Variants in LIMS1 observed in about 807,000 individuals in gnomAD.
LIMS1 encodes the protein LIM zinc finger domain containing 1, also known as LIM and senescent cell antigen-like-containing domain protein 1.
A neutral mutation model predicts 44.1 loss-of-function variants in LIMS1; 18 were observed. That is an observed-to-expected ratio of 0.41 (90% confidence interval 0.28 to 0.61). The LOEUF is 0.61. LIMS1 is among the 20% of genes least tolerant of loss of function. The pLI is 0.32. For missense variants in LIMS1, 201 were observed against 422.0 expected, an observed-to-expected ratio of 0.48 and a Z score of 4.59; for synonymous variants, 93 against 149.1, an observed-to-expected ratio of 0.62 and a Z score of 2.74.
chr2:108,565,027 C>T (rs1321748041), intron 1 of LIMS1, among the ~76,000 whole-genome samples: 1 of 124,766 alleles, frequency 8.0e-6, no homozygotes, highest in Non-Finnish European at 1.8e-5. Context: ...TTGTGCTGGA[C>T]AAAATCTCTG....
At chr2:108,597,271 A>G (rs1424182571) in intron 1 of LIMS1, among the ~76,000 whole-genome samples, 1 of 152,098 alleles carries the variant, frequency 6.6e-6, no homozygotes, top group Admixed American at 6.6e-5. Context: ...ACACTTAACG[A>G]CATTCATAGA....
chr2:108,583,207 ATT>A (rs59274385), intron 1 of LIMS1, among the ~76,000 whole-genome samples: 4,465 of 139,644 alleles, frequency 0.032, 142 homozygotes, highest in South Asian at 0.15. Flanking sequence ...TAATGTTTGT[ATT>A]TTTTTTTTTT....
chr2:108,648,391 A>G (rs1478486302), intron 1 of LIMS1, among the ~76,000 whole-genome samples: 1 of 152,228 alleles, frequency 6.6e-6, no homozygotes, highest in Non-Finnish European at 1.5e-5. Context: ...GCCCAAAGTA[A>G]TTTATAGATT....
At chr2:108,624,223 A>G (rs1688430056) in intron 1 of LIMS1, among the ~76,000 whole-genome samples, 1 of 152,222 alleles carries the variant, frequency 6.6e-6, no homozygotes, top group Admixed American at 6.5e-5. Context: ...AATAACATCT[A>G]AGATATACCC....
intron 1 of LIMS1, among the ~76,000 whole-genome samples, chr2:108,563,727 A>G (rs1685199876): frequency 6.6e-6 from 1 of 152,182 alleles, no homozygotes; most frequent in African/African-American, 2.4e-5. Flanking sequence ...TAAACTTAGT[A>G]AAGCAATGGC....
At chr2:108,547,101 G>A (rs866328990) in intron 1 of LIMS1, among the ~76,000 whole-genome samples, 1 of 152,202 alleles carries the variant, frequency 6.6e-6, no homozygotes, top group East Asian at 1.9e-4. Context: ...TTTACCTTGC[G>A]CTTTGGATTG....
chr2:108,673,094 T>G, intron 5 of LIMS1, 65 bp downstream of exon 5: 1 of 1,316,110 alleles, frequency 7.6e-7, no homozygotes, highest in South Asian at 1.4e-5. Context: ...TTATCTATAT[T>G]TCTGTTACTC....
chr2:108,598,732 G>A (rs1056641798), intron 1 of LIMS1, among the ~76,000 whole-genome samples: 3 of 152,186 alleles, frequency 2.0e-5, no homozygotes, highest in African/African-American at 4.8e-5. Context: ...CATTGTAAAC[G>A]TAGCCCTGGT....
chr2:108,642,327 C>T (rs1258921064), intron 1 of LIMS1, among the ~76,000 whole-genome samples: 4 of 144,670 alleles, frequency 2.8e-5, no homozygotes, highest in African/African-American at 1.0e-4. Flanking sequence ...TAATTTTAAG[C>T]TACTAGTGTT....
chr2:108,555,064 G>T (rs1216635981), intron 1 of LIMS1, among the ~76,000 whole-genome samples: 32 of 152,136 alleles, frequency 2.1e-4, no homozygotes, highest in Admixed American at 1.6e-3. Flanking sequence ...ATTTTCTTCG[G>T]TTACTTCCCC....
intron 2 of LIMS1, among the ~76,000 whole-genome samples, chr2:108,665,140 A>C (rs1374354161): frequency 6.6e-6 from 1 of 152,188 alleles, no homozygotes. Flanking sequence ...ACAGATATGC[A>C]CGCCCCTTAA....
At chr2:108,554,933 G>T (rs984779301) in intron 1 of LIMS1, among the ~76,000 whole-genome samples, 1 of 152,202 alleles carries the variant, frequency 6.6e-6, no homozygotes, top group Non-Finnish European at 1.5e-5. Flanking sequence ...CCGGATCTGT[G>T]TTGTAGTGAG....
chr2:108,573,325 T>C (rs1356979443), intron 1 of LIMS1, among the ~76,000 whole-genome samples: 4 of 151,336 alleles, frequency 2.6e-5, no homozygotes, highest in East Asian at 3.9e-4. Context: ...TTTTTTCTAC[T>C]GGGTACAGTG....
At chr2:108,634,834 A>C (rs1279779257) in intron 1 of LIMS1, among the ~76,000 whole-genome samples, 2 of 152,254 alleles carry the variant, frequency 1.3e-5, no homozygotes, top group African/African-American at 4.8e-5. Flanking sequence ...GCGACTGCCC[A>C]AGGAGCTGCT....
intron 8 of LIMS1, 75 bp downstream of exon 8, chr2:108,678,102 G>A (rs905997290): frequency 3.8e-5 from 61 of 1,604,768 alleles, no homozygotes; most frequent in Non-Finnish European, 5.1e-5. Flanking sequence ...AATTCAGGTT[G>A]GTGATTGTAT....
rs539559715 is a variant in LIMS1 at position 108,545,303 on chromosome 2, G to A, written c.32+10709G>A. ...GGCAGGAGTGCAGTGGCTTGATGTC[G>A]GCTCACTGCAACCTCCGCCTCCCGG... On this transcript the variant is annotated intron_variant, in intron 1 of 9. Transcript: ENST00000544547. Among the ~76,000 whole-genome samples the A allele has an allele frequency of 1.5e-4, 23 of 152,142 alleles. No homozygotes were observed. The South Asian group carries it at 1.9e-3, about 12-fold the overall frequency.
intron 1 of LIMS1, among the ~76,000 whole-genome samples, chr2:108,610,148 A>ATG (rs60571292): frequency 0.048 from 6,942 of 143,212 alleles, 172 homozygotes; most frequent in African/African-American, 0.063. Flanking sequence ...GTTACAAAAA[A>ATG]TGTGTGTGTG....
At chr2:108,550,003 T>A (rs1320304101) in intron 1 of LIMS1, among the ~76,000 whole-genome samples, 2 of 152,150 alleles carry the variant, frequency 1.3e-5, no homozygotes, top group Non-Finnish European at 2.9e-5. Context: ...AATAAAAGGA[T>A]CACTTAAAAT....
chr2:108,615,960 A>T (rs1687904397), intron 1 of LIMS1, among the ~76,000 whole-genome samples: 1 of 152,174 alleles, frequency 6.6e-6, no homozygotes, highest in Non-Finnish European at 1.5e-5. Context: ...CACCTCTTGT[A>T]TCCTTCCACT....
Sources: gnomAD v4.1 joint callset for allele counts (sites outside exome capture counted in the v4.1 genomes callset) on GRCh38, gnomAD v4.1.1 for gene constraint, MANE v1.5 for transcripts, NCBI Gene and HGNC (gene_info 2026-07-23, HGNC 2026-07-21) for gene names.